Variants in DDC observed in about 807,000 individuals in gnomAD.
The protein encoded by DDC is dopa decarboxylase, also known as aromatic-L-amino-acid decarboxylase.
A neutral mutation model predicts 60.0 loss-of-function variants in DDC; 43 were observed. The observed-to-expected ratio is 0.72, with a 90% CI of 0.56 to 0.92. The LOEUF (loss-of-function observed/expected upper bound fraction) is 0.92, where lower values mean the gene tolerates loss of function less well. DDC is among the 40% of genes least tolerant of loss of function. DDC has a pLI of 0.00. For synonymous variants in DDC, 232 were observed against 234.6 expected (o/e 0.99, Z 0.10); for missense variants, 573 against 620.2 (o/e 0.92, Z 0.81).
intron 2 of DDC, chr7:50,542,837 C>G (rs1215851200): frequency 3.3e-5 from 5 of 152,250 alleles, no homozygotes; most frequent in Admixed American, 1.3e-4. Flanking sequence ...GTGAGAGAGG[C>G]GCTCAGCTAC....
intron 6 of DDC, among the ~76,000 whole-genome samples, chr7:50,522,445 G>T (rs575066030): frequency 6.6e-6 from 1 of 152,262 alleles, no homozygotes; most frequent in South Asian, 2.1e-4. Context: ...AAGAGGCAAA[G>T]GACCTAGAAT....
At chr7:50,519,781 G>A (rs972666584) in intron 6 of DDC, among the ~76,000 whole-genome samples, 8 of 151,974 alleles carry the variant, frequency 5.3e-5, no homozygotes, top group African/African-American at 1.9e-4. Flanking sequence ...CTACAAATGT[G>A]GTGCAGTGTA....
intron 1 of DDC, among the ~76,000 whole-genome samples, chr7:50,549,424 G>A (rs1455344642): frequency 3.3e-5 from 5 of 152,130 alleles, no homozygotes; most frequent in African/African-American, 7.2e-5. Context: ...AGGCCAAGGC[G>A]GGTGGATCAC....
chr7:50,460,571 G>T (rs963051683), intron 14 of DDC, among the ~76,000 whole-genome samples: 2 of 151,596 alleles, frequency 1.3e-5, no homozygotes, highest in African/African-American at 4.9e-5. Context: ...CATTGAGAAC[G>T]GGCCATGATG....
At chr7:50,517,825 TAAA>T (rs59421951) in intron 6 of DDC, among the ~76,000 whole-genome samples, 1 of 76,194 alleles carries the variant, frequency 1.3e-5, no homozygotes, top group African/African-American at 4.7e-5. Context: ...TTATAATAGC[TAAA>T]AAAAAAAAAA....
At chr7:50,510,954 C>A (rs1161332048) in intron 6 of DDC, among the ~76,000 whole-genome samples, 1 of 134,122 alleles carries the variant, frequency 7.5e-6, no homozygotes, top group Non-Finnish European at 1.5e-5. Flanking sequence ...GCACTCCGGC[C>A]TGGGCGAAAG....
chr7:50,497,447 A>G (rs2043150611), intron 8 of DDC, among the ~76,000 whole-genome samples: 1 of 152,226 alleles, frequency 6.6e-6, no homozygotes, highest in Admixed American at 6.5e-5. Flanking sequence ...GAGTTAGAAA[A>G]GAGCATCAAG....
At chr7:50,514,305 T>A (rs1240879287) in intron 6 of DDC, among the ~76,000 whole-genome samples, 2 of 152,168 alleles carry the variant, frequency 1.3e-5, no homozygotes, top group African/African-American at 2.4e-5. Context: ...GGGAACACCC[T>A]GTGGGACAAA....
At chr7:50,516,737 A>T (rs1028565042) in intron 6 of DDC, among the ~76,000 whole-genome samples, 8 of 152,146 alleles carry the variant, frequency 5.3e-5, no homozygotes, top group Non-Finnish European at 7.4e-5. Flanking sequence ...TAAGAAACGA[A>T]ACAGGAGATA....
chr7:50,473,501 C>T lies in DDC; in HGVS notation c.1041+3123G>A, dbSNP rs1051531365. On this transcript the variant is annotated intron_variant, in intron 11 of 14. Coordinates refer to ENST00000444124, the MANE Select transcript of DDC (RefSeq NM_001082971.2). ...AAGGTTCATGCGTTTGTCCCCTCAT[C>T]AGCCATGAAACATTGGCTGTGAACA... Among the ~76,000 whole-genome samples the T allele has an allele frequency of 3.3e-5, 5 of 152,342 alleles. 1 individual carries two copies.
At chr7:50,511,179 A>G (rs1463100153) in intron 6 of DDC, among the ~76,000 whole-genome samples, 2 of 151,428 alleles carry the variant, frequency 1.3e-5, no homozygotes, top group Non-Finnish European at 2.9e-5. Flanking sequence ...CATATATGTG[A>G]ATTCCTATTA....
chr7:50,460,007 G>A (rs1442766687), intron 14 of DDC, among the ~76,000 whole-genome samples: 1 of 146,780 alleles, frequency 6.8e-6, no homozygotes, highest in Non-Finnish European at 1.5e-5. Context: ...CCCCTACTGG[G>A]AAGTGAGGAT....
rs140243334 is a variant in DDC, at chr7:50,516,934, T to A, written c.714+11203A>T. Among the ~76,000 whole-genome samples, 802 of 152,198 alleles carry A rather than the reference T, an allele frequency of 5.3e-3. 3 individuals are homozygous for A. The highest frequency in any genetic ancestry group is 0.018 in the African/African-American group (763 of 41,522). Reference sequence around the variant, plus strand: ...ACAAGCAGTGAGATTGAAGTGGTAATTTAAAAATTACCAACAAAAAAAGTC... The same window carrying A: ...ACAAGCAGTGAGATTGAAGTGGTAAATTAAAAATTACCAACAAAAAAAGTC... On this transcript the variant is annotated intron_variant, in intron 6 of 14. Transcript: ENST00000444124.
chr7:50,514,293 A>G (rs1293236891), intron 6 of DDC, among the ~76,000 whole-genome samples: 1 of 152,184 alleles, frequency 6.6e-6, no homozygotes, highest in Non-Finnish European at 1.5e-5. Flanking sequence ...GTACTACATC[A>G]AGGGAACACC....
At chr7:50,459,226 C>T (rs919598405) in intron 14 of DDC, among the ~76,000 whole-genome samples, 16 of 152,220 alleles carry the variant, frequency 1.1e-4, no homozygotes, top group Non-Finnish European at 2.1e-4. Flanking sequence ...CCCGAGGTGC[C>T]GGGATTGCAG....
intron 9 of DDC, among the ~76,000 whole-genome samples, chr7:50,482,710 C>A (rs994436304): frequency 6.6e-6 from 1 of 152,088 alleles, no homozygotes; most frequent in Non-Finnish European, 1.5e-5. Context: ...TTAATGACTT[C>A]CAAAAAATTA....
intron 8 of DDC, among the ~76,000 whole-genome samples, chr7:50,496,392 C>T (rs901546428): frequency 4.6e-5 from 7 of 152,100 alleles, no homozygotes; most frequent in Non-Finnish European, 8.8e-5. Flanking sequence ...CCCCGACCAG[C>T]TCCTTTATTT....
At chr7:50,490,888 C>T (rs545901952) in intron 9 of DDC, among the ~76,000 whole-genome samples, 24 of 152,250 alleles carry the variant, frequency 1.6e-4, no homozygotes, top group African/African-American at 5.5e-4. Context: ...AATAAATTGG[C>T]CCTATTATAA....
At chr7:50,557,342 C>A (rs191392280) in intron 1 of DDC, among the ~76,000 whole-genome samples, 2 of 152,312 alleles carry the variant, frequency 1.3e-5, no homozygotes, top group East Asian at 3.9e-4. Flanking sequence ...TACTTCCACT[C>A]ATATCTCTGT....
Sources: allele counts gnomAD v4.1 joint callset (sites outside exome capture counted in the v4.1 genomes callset), GRCh38; gene constraint gnomAD v4.1.1; transcripts MANE v1.5; gene names NCBI Gene and HGNC (gene_info 2026-07-23, HGNC 2026-07-21).